Variants in BMPR1B observed in about 807,000 individuals in gnomAD.
BMPR1B encodes bone morphogenetic protein receptor type 1B.
BMPR1B carries 12 observed loss-of-function variants against 59.1 expected under a neutral mutation model. The ratio of observed to expected loss-of-function variants is 0.20; its 90% CI spans 0.13 to 0.33. BMPR1B has a LOEUF of 0.33. BMPR1B is among the 10% of genes least tolerant of loss of function. The pLI, the probability that BMPR1B is intolerant of heterozygous loss-of-function variation, is 1.00. For synonymous variants in BMPR1B, 237 were observed against 207.3 expected (o/e 1.14, Z -1.23); for missense variants, 550 against 610.9 (o/e 0.90, Z 1.05).
chr4:95,069,438 G>A (rs916892900), intron 3 of BMPR1B, among the ~76,000 whole-genome samples: 2 of 152,114 alleles, frequency 1.3e-5, no homozygotes, highest in African/African-American at 4.8e-5. Flanking sequence ...CTCCTTCAAG[G>A]CTCTTGCTCG....
At chr4:95,114,368 G>A (rs1731853734) in intron 4 of BMPR1B, among the ~76,000 whole-genome samples, 1 of 151,994 alleles carries the variant, frequency 6.6e-6, no homozygotes. Context: ...AGTTTGTCTG[G>A]ATTTGTCTGG....
At chr4:95,134,158 T>G (rs1275769752) in intron 10 of BMPR1B, among the ~76,000 whole-genome samples, 1 of 152,210 alleles carries the variant, frequency 6.6e-6, no homozygotes, top group African/African-American at 2.4e-5. Flanking sequence ...TTGCTCAGAA[T>G]GATGGTTTCC....
intron 3 of BMPR1B, among the ~76,000 whole-genome samples, chr4:95,080,312 C>T (rs1359677218): frequency 1.3e-5 from 2 of 152,174 alleles, no homozygotes; most frequent in Admixed American, 1.3e-4. Context: ...TCTCGGCTCA[C>T]TGCAACCTCC....
chr4:94,776,264 A>G (rs1196345444), intron 1 of BMPR1B, among the ~76,000 whole-genome samples: 1 of 152,182 alleles, frequency 6.6e-6, no homozygotes, highest in Non-Finnish European at 1.5e-5. Context: ...TCTATACAAA[A>G]GAAAAGCAAG....
intron 3 of BMPR1B, among the ~76,000 whole-genome samples, chr4:95,068,484 A>G (rs964624772): frequency 2.6e-5 from 4 of 152,062 alleles, no homozygotes; most frequent in African/African-American, 7.2e-5. Flanking sequence ...ACTGAACACT[A>G]TCTCATCTCC....
intron 3 of BMPR1B, among the ~76,000 whole-genome samples, chr4:95,064,690 A>G (rs1182314619): frequency 1.3e-5 from 2 of 152,304 alleles, no homozygotes; most frequent in East Asian, 3.9e-4. Context: ...TAATAATAAA[A>G]AGAAAAATAA....
chr4:94,877,011 C>T (rs1443488530), intron 2 of BMPR1B, among the ~76,000 whole-genome samples: 25 of 151,940 alleles, frequency 1.6e-4, no homozygotes, highest in Admixed American at 1.6e-3. Context: ...ATGTACTTTA[C>T]AAGTATTGGT....
rs1242818111 is a variant in BMPR1B, at chr4:95,071,648, GTGTGTA to G, written c.-17-32758_-17-32753del. Among the ~76,000 whole-genome samples, 714 of 104,714 alleles carry G rather than the reference GTGTGTA, an allele frequency of 6.8e-3. 2 individuals are homozygous for G. Among genetic ancestry groups the G allele is most frequent in the South Asian group, 0.017 (64 of 3,734 alleles). 68.7% of individuals were successfully genotyped at this position (104,714 alleles called of 152,430 possible). A position where few individuals can be genotyped will look rare whatever the true frequency, so the allele number is the denominator to read the frequency against. ...TATGTGTGTTTGTGTGTGTGTGTGT[GTGTGTA>G]TATATATATATATATATATATATAT... On this transcript the variant is annotated intron_variant, in intron 3 of 12. Coordinates refer to ENST00000515059, the MANE Select transcript of BMPR1B (RefSeq NM_001203.3).
At chr4:94,925,298 A>C (rs779053542) in intron 2 of BMPR1B, among the ~76,000 whole-genome samples, 1 of 152,078 alleles carries the variant, frequency 6.6e-6, no homozygotes. Context: ...ATTTTTAACT[A>C]TGCAAATTTT....
chr4:94,845,499 C>T (rs9992179), intron 1 of BMPR1B, among the ~76,000 whole-genome samples: 92,632 of 151,316 alleles, frequency 0.61, 29,311 homozygotes, highest in African/African-American at 0.78. Flanking sequence ...CCCGCCACCA[C>T]GCCCGGCTAA....
At chr4:94,823,748 GTTT>G (rs34501634) in intron 1 of BMPR1B, among the ~76,000 whole-genome samples, 1 of 149,248 alleles carries the variant, frequency 6.7e-6, no homozygotes. Context: ...TATCCTTTTG[GTTT>G]TTTTTTTTTT....
chr4:94,970,871 T>A (rs1305079293), intron 2 of BMPR1B, among the ~76,000 whole-genome samples: 3 of 151,868 alleles, frequency 2.0e-5, no homozygotes, highest in Non-Finnish European at 4.4e-5. Flanking sequence ...CTGAACACTA[T>A]TTTTTTTATA....
chr4:94,815,810 A>G (rs1364714070), intron 1 of BMPR1B, among the ~76,000 whole-genome samples: 4 of 152,238 alleles, frequency 2.6e-5, no homozygotes, highest in Non-Finnish European at 5.9e-5. Flanking sequence ...AGCGTCTGAC[A>G]TTTTATAAGG....
chr4:94,796,184 C>T (rs377323853), intron 1 of BMPR1B, among the ~76,000 whole-genome samples: 18 of 152,052 alleles, frequency 1.2e-4, no homozygotes, highest in African/African-American at 3.9e-4. Context: ...AGGCTGGCCT[C>T]GGACTCCTGA....
chr4:95,078,892 G>A (rs1489200290), intron 3 of BMPR1B, among the ~76,000 whole-genome samples: 2 of 151,994 alleles, frequency 1.3e-5, no homozygotes, highest in African/African-American at 4.8e-5. Context: ...AGGATAGCTG[G>A]GACCACAGGT....
At chr4:94,898,608 C>T (rs1435732650) in intron 2 of BMPR1B, among the ~76,000 whole-genome samples, 2 of 152,040 alleles carry the variant, frequency 1.3e-5, no homozygotes, top group Non-Finnish European at 2.9e-5. Flanking sequence ...TTTCTGAGGC[C>T]TCCCAGCAAT....
At chr4:94,787,230 T>C (rs890008077) in intron 1 of BMPR1B, among the ~76,000 whole-genome samples, 5 of 152,102 alleles carry the variant, frequency 3.3e-5, no homozygotes, top group Non-Finnish European at 7.4e-5. Context: ...GGTTTTTTAT[T>C]CCCCTGCAGG....
chr4:95,069,194 A>G (rs1560630197), intron 3 of BMPR1B, among the ~76,000 whole-genome samples: 2 of 152,228 alleles, frequency 1.3e-5, no homozygotes, highest in Admixed American at 6.5e-5. Flanking sequence ...ACTACCACCC[A>G]TGTCCAAACC....
chr4:94,799,801 C>T (rs1356818811), intron 1 of BMPR1B, among the ~76,000 whole-genome samples: 1 of 152,056 alleles, frequency 6.6e-6, no homozygotes, highest in African/African-American at 2.4e-5. Flanking sequence ...AGTGATTCTC[C>T]TGCCTCAGCC....
Sources: gnomAD v4.1 joint callset for allele counts (sites outside exome capture counted in the v4.1 genomes callset) on GRCh38, gnomAD v4.1.1 for gene constraint, MANE v1.5 for transcripts, NCBI Gene and HGNC (gene_info 2026-07-23, HGNC 2026-07-21) for gene names.